Variants in ALPK2 observed in about 807,000 individuals in gnomAD.
ALPK2 encodes alpha-protein kinase 2.
Under a neutral mutation model 163.1 loss-of-function variants are expected in ALPK2, and 127 were observed. That is an observed-to-expected ratio of 0.78 (90% CI 0.67 to 0.90). The LOEUF (loss-of-function observed/expected upper bound fraction) is 0.90. ALPK2 is among the 40% of genes least tolerant of loss of function. ALPK2 has a pLI of 0.00. For synonymous variants in ALPK2, 953 were observed against 959.1 expected (o/e 0.99, Z 0.12); for missense variants, 2,360 against 2,589.6 (o/e 0.91, Z 1.92).
At chr18:58,583,675 A>C (rs909102460) in intron 3 of ALPK2, among the ~76,000 whole-genome samples, 1 of 149,692 alleles carries the variant, frequency 6.7e-6, no homozygotes, top group Non-Finnish European at 1.5e-5. Context: ...TTAGCCAGGC[A>C]TGGTGATACA....
chr18:58,540,040 T>C (rs916338461), intron 4 of ALPK2, among the ~76,000 whole-genome samples: 4 of 152,238 alleles, frequency 2.6e-5, no homozygotes, highest in Non-Finnish European at 5.9e-5. Flanking sequence ...AAATATTTAG[T>C]GAATGCCTCC....
chr18:58,541,447 C>T (rs1340772839), intron 4 of ALPK2, among the ~76,000 whole-genome samples: 1 of 152,232 alleles, frequency 6.6e-6, no homozygotes, highest in African/African-American at 2.4e-5. Context: ...TTGGGGATTA[C>T]ATCTCAGTGC....
At chr18:58,522,712 C>T (rs1272462484) in intron 8 of ALPK2, among the ~76,000 whole-genome samples, 2 of 152,116 alleles carry the variant, frequency 1.3e-5, no homozygotes, top group African/African-American at 4.8e-5. Flanking sequence ...TGAAAAATCC[C>T]ATGCAGAAGG....
chr18:58,571,428 A>G (rs763635621), intron 4 of ALPK2, among the ~76,000 whole-genome samples: 6 of 84,404 alleles, frequency 7.1e-5, no homozygotes, highest in Admixed American at 2.5e-4. Context: ...CATCCACAGG[A>G]AAAAAAAAAA....
intron 4 of ALPK2, among the ~76,000 whole-genome samples, chr18:58,563,935 CT>C (rs1434500938): frequency 6.6e-6 from 1 of 152,044 alleles, no homozygotes; most frequent in Non-Finnish European, 1.5e-5. Flanking sequence ...AAGGGTTGTA[CT>C]AATTTGCACT....
intron 4 of ALPK2, among the ~76,000 whole-genome samples, chr18:58,542,804 AGTGGC>A (rs1270521011): frequency 6.6e-6 from 1 of 152,150 alleles, no homozygotes; most frequent in East Asian, 1.9e-4. Flanking sequence ...GTCAGCATGC[AGTGGC>A]GTGGGTGTGC....
At chr18:58,624,252 A>G (rs55686848) in intron 1 of ALPK2, among the ~76,000 whole-genome samples, 10,022 of 152,290 alleles carry the variant, frequency 0.066, 438 homozygotes, top group South Asian at 0.13. Flanking sequence ...CAGAAAAAGG[A>G]AAGCATGTGA....
Position 58,579,999 on chromosome 18 carries a change from A to G in ALPK2, c.777T>C (p.Ser259=). The change falls in exon 4 of 13, where the codon TCT becomes TCC. Residue 259 remains serine (S), a synonymous_variant. Transcript: ENST00000361673. ...NDGPHDEGLR[S]SQQNPKVQKY... ...TCTGTACTTTGGGATTTTGCTGACT[A>G]GAGCGTAAGCCTTCATCATGAGGAC... 4 of 1,614,254 alleles carry G rather than the reference A, an allele frequency of 2.5e-6. No homozygotes were observed. In the South Asian group the frequency reaches 4.4e-5, roughly 18 times the overall value.
rs1178470184 is a variant in ALPK2, at chr18:58,578,955, C to T, written c.1821G>A (p.Gln607=). 6.2e-7 allele frequency: 1 copy of T among 1,614,082 alleles called. No homozygotes were observed. The highest frequency in any genetic ancestry group is 2.2e-5 in the East Asian group (1 of 44,908). ...GAAGGGTTTTTGCTTCTTGCTCTGC[C>T]TGGGTTGAAATAGCACATTCTCTTG... ...ADARECAIST[Q]AEQEAKTLQT... is the part of the protein sequence containing the mutation. Residue 607 remains glutamine (Q), a synonymous_variant, in exon 4 of 13, where the codon CAG becomes CAA. Coordinates refer to ENST00000361673, the MANE Select transcript of ALPK2 (RefSeq NM_052947.4).
chr18:58,598,837 T>C (rs1405377344), intron 3 of ALPK2, among the ~76,000 whole-genome samples: 1 of 152,178 alleles, frequency 6.6e-6, no homozygotes, highest in Non-Finnish European at 1.5e-5. Context: ...TCTAATTCTG[T>C]GATTACAAGG....
At chr18:58,492,287 C>T (rs58017790) in intron 12 of ALPK2, among the ~76,000 whole-genome samples, 17,570 of 151,996 alleles carry the variant, frequency 0.12, 1,209 homozygotes, top group Non-Finnish European at 0.16. Flanking sequence ...CATATATACG[C>T]GCACACACAC....
At chr18:58,520,551 C>T (rs967045428) in intron 8 of ALPK2, among the ~76,000 whole-genome samples, 1 of 150,336 alleles carries the variant, frequency 6.7e-6, no homozygotes, top group Non-Finnish European at 1.5e-5. Flanking sequence ...TACACCCATA[C>T]ATTGTGAAAT....
In ALPK2 at chr18:58,537,057, A is replaced by T; in HGVS notation, c.3130T>A (p.Ser1044Thr). 1.9e-6 allele frequency: 3 copies of T among 1,614,192 alleles called. No individual in the cohort carries two copies. The highest frequency in any genetic ancestry group is 2.5e-6 in the Non-Finnish European group (3 of 1,180,028). The change falls in exon 5 of 13, where the codon TCC (serine) becomes ACC (threonine). Residue 1044 changes from serine (S) to threonine (T), a missense_variant. By Grantham distance (58) the Ser-to-Thr change is moderately conservative. Transcript: ENST00000361673. ...GGAAATTGGGAAACCTTTTCATGGG[A>T]TGCACGAGGGAACCTCTCCTCAGTG... Reference protein sequence around the residue: ...GGTEERFPRASHEKVSQFPSQ... With the variant: ...GGTEERFPRATHEKVSQFPSQ...
In ALPK2 at chr18:58,536,715, G is replaced by A; in HGVS notation, c.3472C>T (p.Pro1158Ser). The change falls in exon 5 of 13, where the codon CCT (proline) becomes TCT (serine). Residue 1158 changes from proline to serine, a missense_variant. Physicochemically the swap from Pro to Ser is moderately conservative, Grantham distance 74. Coordinates refer to ENST00000361673, the MANE Select transcript of ALPK2 (RefSeq NM_052947.4). ...LSAPDFQQSL[P>S]TTSAAQEERN... ...TCCTCTTGTGCAGCAGATGTCGTAG[G>A]CAAACTTTGTTGGAAATCAGGTGCA... 5 of 1,614,178 alleles carry A rather than the reference G, an allele frequency of 3.1e-6. No individual in the cohort carries two copies. The highest frequency in any genetic ancestry group is 1.1e-5 in the South Asian group (1 of 91,080).
chr18:58,516,743 G>A (rs1191254567), intron 9 of ALPK2, among the ~76,000 whole-genome samples, 165 bp downstream of exon 9: 13 of 152,094 alleles, frequency 8.5e-5, no homozygotes, highest in Non-Finnish European at 7.4e-5. Flanking sequence ...AATTACTCCC[G>A]AGAATTGAGA....
At chr18:58,614,493 G>A (rs978249887) in intron 1 of ALPK2, among the ~76,000 whole-genome samples, 3 of 152,234 alleles carry the variant, frequency 2.0e-5, no homozygotes, top group Admixed American at 2.0e-4. Context: ...TGGCAAATTA[G>A]TTGCACAGCA....
At position 58,535,862 on chromosome 18, in the gene ALPK2, C is replaced by T; in HGVS notation, c.4325G>A (p.Gly1442Asp). The change falls in exon 5 of 13, where the codon GGC (glycine) becomes GAC (aspartate). Residue 1442 changes from glycine to aspartate, a missense_variant. Gly to Asp is a moderately conservative substitution (Grantham distance 94). Transcript: ENST00000361673. ...GGCCGGCTGGATTTCCGCTTCGTGG[C>T]CCATGTTTCCGTCATTTGATTGACC... ...EGGQSNDGNMGHEAEIQPAIL... is the reference protein window; with the variant it reads ...EGGQSNDGNMDHEAEIQPAIL... The T allele has an allele frequency of 6.2e-7, 1 of 1,614,182 alleles. No individual in the cohort carries two copies. The highest frequency in any genetic ancestry group is 8.5e-7 in the Non-Finnish European group (1 of 1,180,008).
intron 4 of ALPK2, among the ~76,000 whole-genome samples, chr18:58,561,880 T>A (rs576010537): frequency 7.7e-4 from 117 of 152,222 alleles, no homozygotes; most frequent in African/African-American, 2.6e-3. Context: ...GTGGACTGAG[T>A]AGCTATGGGG....
rs1602208081 is a variant in ALPK2 at position 58,538,365 on chromosome 18, A to T, written c.1963-141T>A. On this transcript the variant is annotated intron_variant, in intron 4 of 12. Coordinates refer to ENST00000361673, the MANE Select transcript of ALPK2 (RefSeq NM_052947.4). ...TTGAAATCTAAACATTAATCCCCCA[A>T]CTCCCTCTAGCTATTAGAGATTTCC... 1.0e-5 allele frequency: 8 copies of T among 777,922 alleles called. No individual in the cohort carries two copies. The East Asian group carries it at 1.9e-4, about 19-fold the overall frequency. The allele number at this position is 777,922 out of a possible 1,614,324, so 48.2% of individuals were successfully genotyped here.
Sources: allele counts gnomAD v4.1 joint callset (sites outside exome capture counted in the v4.1 genomes callset), GRCh38; gene constraint gnomAD v4.1.1; transcripts MANE v1.5; gene names NCBI Gene and HGNC (gene_info 2026-07-23, HGNC 2026-07-21).